The following EXOC6 variants were observed in gnomAD, a reference collection of about 807,000 sequenced individuals.
The protein encoded by EXOC6 is SEC15-like 1.
Under a neutral mutation model 112.5 loss-of-function variants are expected in EXOC6, and 60 were observed. The observed-to-expected ratio is 0.53, with a 90% CI of 0.43 to 0.66. EXOC6 has a LOEUF of 0.66. Ranked by LOEUF, EXOC6 falls within the 30% of genes least tolerant of loss-of-function variation. EXOC6 has a pLI of 0.00. For synonymous variants in EXOC6, 295 were observed against 308.0 expected (o/e 0.96, Z 0.44); for missense variants, 855 against 957.1 (o/e 0.89, Z 1.41).
At chr10:92,899,308 T>G (rs563199086) in intron 4 of EXOC6, among the ~76,000 whole-genome samples, 1 of 152,322 alleles carries the variant, frequency 6.6e-6, no homozygotes, top group East Asian at 1.9e-4. Context: ...GTTAGTAGGC[T>G]AATGTCTCAG....
intron 20 of EXOC6, among the ~76,000 whole-genome samples, chr10:93,038,806 A>C (rs9420607): frequency 0.042 from 6,352 of 152,260 alleles, 296 homozygotes; most frequent in African/African-American, 0.12. Context: ...TATTACCTCT[A>C]CCCTTGAAGA....
chr10:92,849,701 G>T (rs1378397067), intron 1 of EXOC6, among the ~76,000 whole-genome samples: 1 of 152,204 alleles, frequency 6.6e-6, no homozygotes, highest in East Asian at 1.9e-4. Flanking sequence ...TTCAAGTTAT[G>T]TAAATACACC....
intron 1 of EXOC6, among the ~76,000 whole-genome samples, chr10:92,853,780 A>G (rs1262974022): frequency 4.6e-5 from 7 of 152,186 alleles, no homozygotes; most frequent in African/African-American, 1.4e-4. Flanking sequence ...AAACTATAAG[A>G]CTACTAGAAA....
chr10:92,837,919 C>G (rs1188434177), intron 1 of EXOC6, among the ~76,000 whole-genome samples: 1 of 152,182 alleles, frequency 6.6e-6, no homozygotes, highest in Non-Finnish European at 1.5e-5. Context: ...AGAAAAAAGG[C>G]ATTGCTTTGG....
Position 92,952,377 on chromosome 10 carries a change from C to G in EXOC6, c.1521C>G (p.His507Gln). ...GCCTTAAATTTTCAGAGTCACTACA[C>G]CGGAGGTGAGTTTACTAATCACAAA... is the stretch of plus-strand genomic sequence containing the variant. Reference protein sequence around the residue: ...YASLKFSESLHRSSTEIDDML... With the variant: ...YASLKFSESLQRSSTEIDDML... The change falls in exon 15 of 22, where the codon CAC (histidine) becomes CAG (glutamine). Residue 507 changes from histidine (H) to glutamine (Q), a missense_variant. His to Gln is a conservative substitution (Grantham distance 24). This residue lies in a region of EXOC6 where 450 missense variants were observed against 563.5 expected (regional missense o/e 0.80). Transcript: ENST00000260762. 2 of 1,577,818 alleles carry G rather than the reference C, an allele frequency of 1.3e-6. No individual in the cohort carries two copies. Among genetic ancestry groups the G allele is most frequent in the Non-Finnish European group, 1.7e-6 (2 of 1,149,368 alleles).
intron 17 of EXOC6, among the ~76,000 whole-genome samples, chr10:92,972,590 GTATGT>G (rs2134082569): frequency 6.6e-6 from 1 of 152,282 alleles, no homozygotes; most frequent in African/African-American, 2.4e-5. Context: ...ATGTGATATA[GTATGT>G]TATGAGTGTA....
chr10:93,047,209 G>A (rs543439507), intron 20 of EXOC6, among the ~76,000 whole-genome samples: 1 of 152,274 alleles, frequency 6.6e-6, no homozygotes, highest in African/African-American at 2.4e-5. Context: ...TGTGATGTCT[G>A]AACTAGGACA....
chr10:92,828,534 A>G (rs1318317646), intron 1 of EXOC6, among the ~76,000 whole-genome samples: 1 of 151,394 alleles, frequency 6.6e-6, no homozygotes, highest in Non-Finnish European at 1.5e-5. Context: ...GGGTTTCACT[A>G]TGTTGGCCAG....
chr10:93,028,725 T>C (rs957879492), intron 20 of EXOC6, among the ~76,000 whole-genome samples: 2 of 151,576 alleles, frequency 1.3e-5, no homozygotes, highest in African/African-American at 4.9e-5. Flanking sequence ...TCCTAGCTAC[T>C]TGGGAGACTG....
chr10:92,942,645 A>C (rs1313698091), intron 13 of EXOC6, among the ~76,000 whole-genome samples: 1 of 152,226 alleles, frequency 6.6e-6, no homozygotes, highest in Non-Finnish European at 1.5e-5. Context: ...CATATATGCT[A>C]TGATATAATG....
intron 19 of EXOC6, 79 bp from the exon 20 acceptor site, chr10:93,014,115 G>A (rs1190845657): frequency 1.9e-6 from 2 of 1,025,658 alleles, no homozygotes; most frequent in Admixed American, 2.2e-5. Flanking sequence ...TTTATAATGA[G>A]TAGAAATTAA....
chr10:92,951,327 ACCC>A (rs1432671391), intron 14 of EXOC6, among the ~76,000 whole-genome samples: 1 of 152,198 alleles, frequency 6.6e-6, no homozygotes, highest in African/African-American at 2.4e-5. Context: ...TTAGGACAGA[ACCC>A]TAAAGCACAG....
chr10:93,025,853 C>G (rs907856678), intron 20 of EXOC6, among the ~76,000 whole-genome samples: 2 of 152,142 alleles, frequency 1.3e-5, no homozygotes, highest in Non-Finnish European at 2.9e-5. Context: ...AGAACTTGAC[C>G]AGTACCTCAA....
chr10:92,992,562 G>GT (rs1843314128), intron 18 of EXOC6, among the ~76,000 whole-genome samples: 1 of 152,034 alleles, frequency 6.6e-6, no homozygotes, highest in South Asian at 2.1e-4. Context: ...TTTCATAACA[G>GT]TATTTACATT....
At chr10:92,827,004 G>C (rs1846396601) in intron 1 of EXOC6, among the ~76,000 whole-genome samples, 1 of 152,124 alleles carries the variant, frequency 6.6e-6, no homozygotes, top group Admixed American at 6.5e-5. Context: ...AGAACATGGA[G>C]TGCTTGTAGA....
At chr10:92,879,427 A>G (rs1201236874) in intron 1 of EXOC6, among the ~76,000 whole-genome samples, 1 of 152,190 alleles carries the variant, frequency 6.6e-6, no homozygotes, top group African/African-American at 2.4e-5. Flanking sequence ...TGATCACACC[A>G]CTGCACTCCA....
At chr10:92,885,185 T>C (rs1849151435) in intron 1 of EXOC6, among the ~76,000 whole-genome samples, 1 of 152,204 alleles carries the variant, frequency 6.6e-6, no homozygotes, top group Non-Finnish European at 1.5e-5. Flanking sequence ...ATTTAAACTT[T>C]GAAAACTTTG....
chr10:93,016,215 G>A (rs924487331), intron 20 of EXOC6, among the ~76,000 whole-genome samples: 5 of 152,066 alleles, frequency 3.3e-5, no homozygotes, highest in African/African-American at 1.2e-4. Context: ...GCTCACTGCA[G>A]CTCTGCCTCC....
chr10:92,978,952 G>T (rs1221928554), intron 18 of EXOC6, among the ~76,000 whole-genome samples: 1 of 152,174 alleles, frequency 6.6e-6, no homozygotes, highest in Non-Finnish European at 1.5e-5. Flanking sequence ...AGAGTCAATG[G>T]AAGCTGAGAA....
Sources: gnomAD v4.1 joint callset for allele counts (sites outside exome capture counted in the v4.1 genomes callset) on GRCh38, gnomAD v4.1.1 for gene constraint, gnomAD v4.1.1 regional missense constraint, MANE v1.5 for transcripts, NCBI Gene and HGNC (gene_info 2026-07-23, HGNC 2026-07-21) for gene names.